Variants in ALDH3B2 observed in about 807,000 individuals in gnomAD.
The protein encoded by ALDH3B2 is aldehyde dehydrogenase family 3 member B2.
Under a neutral mutation model 36.7 loss-of-function variants are expected in ALDH3B2, and 45 were observed. The observed-to-expected ratio is 1.23, with a 90% confidence interval of 0.97 to 1.57. The LOEUF (loss-of-function observed/expected upper bound fraction) is 1.57, where lower values mean the gene tolerates loss of function less well. Among genes scored for constraint, ALDH3B2 ranks in the 40% most tolerant of loss-of-function variants. The pLI is 0.00. For synonymous variants in ALDH3B2, 217 were observed against 226.5 expected (o/e 0.96, Z 0.38); for missense variants, 464 against 513.3 (o/e 0.90, Z 0.93).
At chr11:67,672,042 CATAT>C (rs57997475) in intron 1 of ALDH3B2, among the ~76,000 whole-genome samples, 1,077 of 49,204 alleles carry the variant, frequency 0.022, 12 homozygotes, top group South Asian at 0.026. Flanking sequence ...CGATGTACTT[CATAT>C]ATATATATAT....
At chr11:67,669,295 T>C (rs1015663003) in intron 1 of ALDH3B2, among the ~76,000 whole-genome samples, 1 of 151,462 alleles carries the variant, frequency 6.6e-6, no homozygotes. Flanking sequence ...TGTATGGATG[T>C]CTGTGTGTCT....
chr11:67,666,878 C>T (rs1164274049), intron 3 of ALDH3B2, 28 bp downstream of exon 3: 2 of 1,614,172 alleles, frequency 1.2e-6, no homozygotes, highest in Non-Finnish European at 1.7e-6. Flanking sequence ...CCTGCCCTGC[C>T]CTCCTGCCGC....
At chr11:67,680,097 C>T (rs539195462) in intron 1 of ALDH3B2, among the ~76,000 whole-genome samples, 53 of 152,144 alleles carry the variant, frequency 3.5e-4, no homozygotes, top group Middle Eastern at 3.4e-3. Context: ...GGGTGGGTCA[C>T]GAGGTCAGGA....
chr11:67,671,370 C>T (rs1371628103), intron 1 of ALDH3B2: 1 of 152,292 alleles, frequency 6.6e-6, no homozygotes, highest in Non-Finnish European at 1.5e-5. Flanking sequence ...GGACCCAAGC[C>T]CTGCCTCTCA....
At chr11:67,666,844 G>T in intron 3 of ALDH3B2, 62 bp downstream of exon 3, 1 of 1,612,814 alleles carries the variant, frequency 6.2e-7, no homozygotes, top group Non-Finnish European at 8.5e-7. Context: ...GCAGAAGGGG[G>T]CCTGGGCCAG....
chr11:67,665,568 G>GT lies in ALDH3B2; in HGVS notation c.422dup (p.Asn141LysfsTer27), dbSNP rs1855881889. 1 of 1,614,142 alleles carries GT rather than the reference G, an allele frequency of 6.2e-7. No homozygotes were observed. The highest frequency in any genetic ancestry group is 1.6e-4 in the Middle Eastern group (1 of 6,062). Reference sequence around the variant, plus strand: ...GGTTGGCCACGGTCTGGGGGTCGCAGTTGTCGTCCACGTAGCAGGGGTTCT... The same window carrying GT: ...GGTTGGCCACGGTCTGGGGGTCGCAGTTTGTCGTCCACGTAGCAGGGGTTCT... On this transcript the variant is annotated frameshift_variant, in exon 7 of 10. Transcript: ENST00000349015. LOFTEE classifies it high-confidence loss of function.
In ALDH3B2 at chr11:67,680,668, C is replaced by G. The variant is rs143040762; in HGVS notation, c.-245+508G>C. On this transcript the variant is annotated intron_variant, in intron 1 of 9. Transcript: ENST00000530069. ...CTGGGCTCAAGTGATCCACCTGCCT[C>G]GGCTTCCCAAAGTTCTAGGATTACA... Among the ~76,000 whole-genome samples the G allele has an allele frequency of 8.9e-3, 1,357 of 152,282 alleles. 25 individuals carry two copies. The highest frequency in any genetic ancestry group is 0.031 in the African/African-American group (1,291 of 41,554).
intron 1 of ALDH3B2, among the ~76,000 whole-genome samples, chr11:67,669,358 CTGTGTGTCTGTGTGTGTATGGGT>C (rs1175189190): frequency 7.1e-6 from 1 of 140,478 alleles, no homozygotes; most frequent in Non-Finnish European, 1.5e-5. Context: ...CTATGGGTGT[CTGTGTGTCTGTGTGTGTATGGGT>C]GCTGTGTCCA....
chr11:67,666,811 G>C (rs1223156709), intron 3 of ALDH3B2, 95 bp downstream of exon 3: 1 of 1,609,306 alleles, frequency 6.2e-7, no homozygotes, highest in Non-Finnish European at 8.5e-7. Flanking sequence ...GAGAAAATCA[G>C]TGACTCGCCC....
chr11:67,678,598 T>C (rs1375942591), upstream of ALDH3B2, among the ~76,000 whole-genome samples: 1 of 151,080 alleles, frequency 6.6e-6, no homozygotes, highest in South Asian at 2.1e-4. Flanking sequence ...GATATATATA[T>C]ACACACACAC....
chr11:67,677,491 A>C (rs1002703723), upstream of ALDH3B2, among the ~76,000 whole-genome samples: 1 of 152,204 alleles, frequency 6.6e-6, no homozygotes, highest in Admixed American at 6.5e-5. Flanking sequence ...AACCACAGCC[A>C]ACATAATACT....
At chr11:67,668,742 T>G (rs1855991782) in intron 1 of ALDH3B2, among the ~76,000 whole-genome samples, 1 of 142,790 alleles carries the variant, frequency 7.0e-6, no homozygotes, top group African/African-American at 2.7e-5. Context: ...TGTGTGTCTG[T>G]GTATGTATGG....
intron 1 of ALDH3B2, among the ~76,000 whole-genome samples, chr11:67,670,050 CTCTATGTGTATGGGTGTG>C (rs1565249093): frequency 8.2e-4 from 8 of 9,710 alleles, no homozygotes; most frequent in African/African-American, 1.3e-3. Context: ...GTATGGGTGT[CTCTATGTGTATGGGTGTG>C]TGTGTCCACA....
At chr11:67,671,785 C>A (rs1039874854) in intron 1 of ALDH3B2, among the ~76,000 whole-genome samples, 1 of 151,278 alleles carries the variant, frequency 6.6e-6, no homozygotes, top group Non-Finnish European at 1.5e-5. Flanking sequence ...GCAGGTGATC[C>A]GCCCACCTTG....
In ALDH3B2 at chr11:67,670,712, T is replaced by C. The variant is rs1328615751; in HGVS notation, c.-244-3077A>G. 2.6e-5 allele frequency among the ~76,000 whole-genome samples: 4 copies of C among 152,158 alleles called. No homozygotes were observed. In the East Asian group the frequency reaches 5.8e-4, roughly 22 times the overall value. ...AATGTGAGGAGACAGGAAGCCATGC[T>C]GGGCACCTTCCTGGCCACACCTGCA... On this transcript the variant is annotated intron_variant, in intron 1 of 9. Coordinates refer to ENST00000349015, the Ensembl canonical transcript of ALDH3B2.
chr11:67,663,147 G>A, exon 10 of ALDH3B2: 2 of 1,500,642 alleles, frequency 1.3e-6, no homozygotes, highest in Non-Finnish European at 1.8e-6. Flanking sequence ...AATGTGAGTT[G>A]GGAGCATAAG....
upstream of ALDH3B2, among the ~76,000 whole-genome samples, chr11:67,678,480 T>G (rs1856309864): frequency 6.6e-6 from 1 of 152,124 alleles, no homozygotes; most frequent in Non-Finnish European, 1.5e-5. Flanking sequence ...CAGGATGGAT[T>G]AAGGACTTAA....
At position 67,664,499 on chromosome 11, in the gene ALDH3B2, G is replaced by A. The variant is rs150084712; in HGVS notation, c.770C>T (p.Pro257Leu). ...CTGCACGTTCACGATGGGCAGGATG[G>A]GCCCGAAGATCTCCTCCTGCATCAC... The change falls in exon 8 of 10, where the codon CCC becomes CTC. Residue 257 changes from proline to leucine, a missense_variant. Coordinates refer to ENST00000349015, the Ensembl canonical transcript of ALDH3B2. The A allele has an allele frequency of 2.4e-3, 3,936 of 1,614,092 alleles. 18 individuals carry two copies. The highest frequency in any genetic ancestry group is 7.4e-3 in the South Asian group (673 of 91,082).
At chr11:67,663,623 G>C (rs764590976) in intron 9 of ALDH3B2, 39 bp downstream of exon 9, 9 of 1,580,614 alleles carry the variant, frequency 5.7e-6, no homozygotes, top group Middle Eastern at 1.7e-4. Context: ...GGGTACCAAA[G>C]CCAAGCTTCC....
Sources: allele counts gnomAD v4.1 joint callset (sites outside exome capture counted in the v4.1 genomes callset), GRCh38; gene constraint gnomAD v4.1.1; transcripts MANE v1.5; gene names NCBI Gene and HGNC (gene_info 2026-07-23, HGNC 2026-07-21).